GLMN: variants seen among roughly 807,000 people sequenced by gnomAD.
GLMN encodes glomulin, FKBP associated protein.
In GLMN, 75 loss-of-function variants were observed where a neutral mutation model predicts 87.8. The ratio of observed to expected loss-of-function variants is 0.85; its 90% CI spans 0.71 to 1.04. The LOEUF (loss-of-function observed/expected upper bound fraction) is 1.04, where lower values mean the gene tolerates loss of function less well. Ranked by LOEUF, GLMN falls within the 50% of genes least tolerant of loss-of-function variation. The probability of loss-of-function intolerance (pLI) is 0.00; values close to 1 mark genes in which losing one functional copy is unlikely to be tolerated. For synonymous variants in GLMN, 206 were observed against 221.6 expected, an observed-to-expected ratio of 0.93 and a Z score of 0.63; for missense variants, 588 against 658.8, an observed-to-expected ratio of 0.89 and a Z score of 1.18.
intron 8 of GLMN, 62 bp downstream of exon 8, chr1:92,271,403 T>A: frequency 8.1e-7 from 1 of 1,237,664 alleles, no homozygotes; most frequent in Non-Finnish European, 1.2e-6. Context: ...GGACATTAGA[T>A]AAATGAGAAT....
chr1:92,341,903 A>C, the GLMN span, among the ~76,000 whole-genome samples: 1 of 152,244 alleles, frequency 6.6e-6, no homozygotes, highest in South Asian at 2.1e-4. Flanking sequence ...TTGGCCTCCC[A>C]ACGTGCTAGG....
intron 3 of GLMN, among the ~76,000 whole-genome samples, chr1:92,297,115 CTTTTTTT>C (rs1034040272): frequency 9.3e-5 from 11 of 118,324 alleles, no homozygotes; most frequent in East Asian, 7.2e-4. Context: ...TGTTTCTTTT[CTTTTTTT>C]TTTTTTTTTT....
At chr1:92,330,510 C>A in the GLMN span, among the ~76,000 whole-genome samples, 13 of 134,010 alleles carry the variant, frequency 9.7e-5, no homozygotes, top group African/African-American at 3.4e-4. Context: ...TGCAATGGTG[C>A]CATCTTGGCT....
chr1:92,279,508 C>G (rs1181434581), intron 7 of GLMN, among the ~76,000 whole-genome samples: 2 of 143,784 alleles, frequency 1.4e-5, no homozygotes, highest in Admixed American at 1.4e-4. Context: ...CAAATAGGAA[C>G]AGCTCAGGTC....
At chr1:92,323,752 A>G in the GLMN span, 1 of 1,614,168 alleles carries the variant, frequency 6.2e-7, no homozygotes, top group Non-Finnish European at 8.5e-7. Flanking sequence ...AGGCGATTGC[A>G]AATTAGATAG....
intron 3 of GLMN, 77 bp from the exon 4 acceptor site, chr1:92,291,614 AG>A: frequency 7.1e-7 from 1 of 1,398,872 alleles, no homozygotes; most frequent in Non-Finnish European, 1.0e-6. Flanking sequence ...ATCTTGGAAG[AG>A]CTCAGAATTG....
intron 7 of GLMN, among the ~76,000 whole-genome samples, chr1:92,272,697 C>T (rs1385091321): frequency 6.6e-6 from 1 of 152,140 alleles, no homozygotes; most frequent in Non-Finnish European, 1.5e-5. Context: ...CTGTTGATCT[C>T]TCAGTCATCA....
chr1:92,336,546 C>T, the GLMN span: 3 of 662,250 alleles, frequency 4.5e-6, no homozygotes, highest in Admixed American at 2.8e-5. Context: ...GATCTAAATA[C>T]AGTATTCTAT....
the GLMN span, among the ~76,000 whole-genome samples, chr1:92,311,166 G>A: frequency 6.6e-6 from 1 of 152,020 alleles, no homozygotes; most frequent in Non-Finnish European, 1.5e-5. Context: ...TTTAGCTCAC[G>A]TTTTTGGTTG....
the GLMN span, chr1:92,346,052 T>C: frequency 1.0e-3 from 567 of 543,556 alleles, 9 homozygotes; most frequent in South Asian, 0.017. Flanking sequence ...TTTCCTTTCC[T>C]ATGTAAGAAA....
chr1:92,366,870 CTTCAT>C, the GLMN span, among the ~76,000 whole-genome samples: 1 of 152,014 alleles, frequency 6.6e-6, no homozygotes, highest in African/African-American at 2.4e-5. Context: ...GGTCACAGCT[CTTCAT>C]TTCAGTTTTG....
the GLMN span, chr1:92,324,415 A>G: frequency 8.1e-6 from 12 of 1,476,028 alleles, no homozygotes; most frequent in Non-Finnish European, 1.1e-5. Flanking sequence ...GATCGTTAAC[A>G]TTTGGAAAAC....
chr1:92,358,768 G>T, the GLMN span, among the ~76,000 whole-genome samples: 1 of 151,998 alleles, frequency 6.6e-6, no homozygotes, highest in East Asian at 1.9e-4. Flanking sequence ...AAAAAAAATT[G>T]TAGAGATAGG....
At chr1:92,286,321 T>C (rs2101017955) in intron 7 of GLMN, among the ~76,000 whole-genome samples, 169 bp downstream of exon 7, 1 of 151,600 alleles carries the variant, frequency 6.6e-6, no homozygotes. Context: ...TTAATATTTA[T>C]CTTTGGATAA....
At chr1:92,322,094 C>T in the GLMN span, among the ~76,000 whole-genome samples, 2 of 150,846 alleles carry the variant, frequency 1.3e-5, no homozygotes, top group African/African-American at 4.9e-5. Context: ...TACAGGCATG[C>T]GCCACCACTC....
chr1:92,333,583 T>TGAAAAATAAA, the GLMN span: 1 of 768,660 alleles, frequency 1.3e-6, no homozygotes, highest in Non-Finnish European at 2.1e-6. Flanking sequence ...TGAAAAATAA[T>TGAAAAATAAA]GTGAAAAGTT....
chr1:92,325,469 T>C, the GLMN span, among the ~76,000 whole-genome samples: 2 of 152,138 alleles, frequency 1.3e-5, no homozygotes, highest in African/African-American at 4.8e-5. Flanking sequence ...TGCATAAACC[T>C]ACCATAGAAC....
rs754182004 is a variant in GLMN, at chr1:92,297,549, C to A, written c.40-20G>T. On this transcript the variant is annotated intron_variant, in intron 2 of 18. Coordinates refer to ENST00000370360, the MANE Select transcript of GLMN (RefSeq NM_053274.3). ...GATTTGCTGGCAAAAAAAAAAAAAACCCAAAAAACAAACAAAAAAAAGTAT... is the reference window on the plus strand; with the variant it reads ...GATTTGCTGGCAAAAAAAAAAAAAAACCAAAAAACAAACAAAAAAAAGTAT... The A allele has an allele frequency of 7.1e-4, 979 of 1,382,212 alleles. 1 individual carries two copies. The highest frequency in any genetic ancestry group is 1.6e-3 in the South Asian group (125 of 79,986). 85.6% of individuals were successfully genotyped at this position (1,382,212 alleles called of 1,614,324 possible). A position where few individuals can be genotyped will look rare whatever the true frequency, so the allele number is the denominator to read the frequency against.
At chr1:92,281,699 A>C (rs565650189) in intron 7 of GLMN, among the ~76,000 whole-genome samples, 28 of 152,242 alleles carry the variant, frequency 1.8e-4, no homozygotes, top group Non-Finnish European at 2.2e-4. Flanking sequence ...GTCAAAACCC[A>C]TTGGTGTGCT....
Sources: gnomAD v4.1 joint callset for allele counts (sites outside exome capture counted in the v4.1 genomes callset) on GRCh38, gnomAD v4.1.1 for gene constraint, MANE v1.5 for transcripts, NCBI Gene and HGNC (gene_info 2026-07-23, HGNC 2026-07-21) for gene names.